SPATA12: variants seen among roughly 807,000 people sequenced by gnomAD.
SPATA12 encodes spermatogenesis-associated protein 12.
For synonymous variants in SPATA12, 85 were observed against 89.2 expected (o/e 0.95, Z 0.26); for missense variants, 219 against 226.4 (o/e 0.97, Z 0.21).
intron 1 of SPATA12, among the ~76,000 whole-genome samples, chr3:57,063,659 A>C (rs1705363369): frequency 6.6e-6 from 1 of 152,206 alleles, no homozygotes; most frequent in African/African-American, 2.4e-5. Flanking sequence ...CCTAGAAGCC[A>C]GGTGAGACAA....
At chr3:57,071,960 G>A (rs993359611) in intron 1 of SPATA12, among the ~76,000 whole-genome samples, 1 of 152,034 alleles carries the variant, frequency 6.6e-6, no homozygotes, top group African/African-American at 2.4e-5. Flanking sequence ...ATAGATAAAA[G>A]ACCAAATATA....
chr3:57,066,000 G>C (rs1449785230), intron 1 of SPATA12, among the ~76,000 whole-genome samples: 1 of 151,662 alleles, frequency 6.6e-6, no homozygotes, highest in Non-Finnish European at 1.5e-5. Context: ...AGGATCACTT[G>C]AGGCCAGGAG....
chr3:57,070,864 T>G (rs941689377), intron 1 of SPATA12, among the ~76,000 whole-genome samples: 6 of 150,234 alleles, frequency 4.0e-5, no homozygotes, highest in African/African-American at 1.5e-4. Flanking sequence ...CCCAGCTACT[T>G]GGGAGGCTGA....
At position 57,073,876 on chromosome 3, in the gene SPATA12, C is replaced by T. The variant is rs1276408034; in HGVS notation, c.182C>T (p.Pro61Leu). The change falls in exon 2 of 2, where the codon CCA (proline) becomes CTA (leucine). Residue 61 changes from proline (P) to leucine (L), a missense_variant. Transcript: ENST00000334325. ...LASCQGPGVL[P>L]GAASALPELT... ...TCATGCCAGGGTCCAGGTGTCCTGCCAGGAGCAGCCTCTGCCCTCCCAGAG... is the reference window on the plus strand; with the variant it reads ...TCATGCCAGGGTCCAGGTGTCCTGCTAGGAGCAGCCTCTGCCCTCCCAGAG... 2 of 1,614,194 alleles carry T rather than the reference C, an allele frequency of 1.2e-6. No homozygotes were observed. The highest frequency in any genetic ancestry group is 1.7e-6 in the Non-Finnish European group (2 of 1,180,028).
intron 1 of SPATA12, among the ~76,000 whole-genome samples, chr3:57,067,666 C>T (rs987236898): frequency 3.2e-4 from 48 of 150,498 alleles, no homozygotes; most frequent in African/African-American, 1.1e-3. Context: ...GAGACCCAGT[C>T]TCTACAAAAA....
intron 1 of SPATA12, among the ~76,000 whole-genome samples, chr3:57,065,020 A>C (rs1398020203): frequency 6.6e-6 from 1 of 152,266 alleles, no homozygotes; most frequent in African/African-American, 2.4e-5. Context: ...GTTTTGCTCT[A>C]AACTGAAGAG....
chr3:57,068,847 T>C lies in SPATA12; in HGVS notation c.-329-4519T>C, dbSNP rs189731084. 2.6e-5 allele frequency among the ~76,000 whole-genome samples: 4 copies of C among 151,848 alleles called. No individual in the cohort carries two copies. In the East Asian group the frequency reaches 7.7e-4, roughly 29 times the overall value. ...CGCACACACCCCCCTCACTAAAGGA[T>C]GGAAACAAAATCCCTATGAACTGCC... On this transcript the variant is annotated intron_variant, in intron 1 of 1. Coordinates refer to ENST00000334325, the MANE Select transcript of SPATA12 (RefSeq NM_181727.2).
chr3:57,062,423 C>T (rs1391091157), intron 1 of SPATA12, among the ~76,000 whole-genome samples: 1 of 152,204 alleles, frequency 6.6e-6, no homozygotes, highest in Admixed American at 6.5e-5. Context: ...AGCCCCCACT[C>T]GGGCTCAGGC....
chr3:57,074,514 A>G lies in SPATA12; in HGVS notation c.*247A>G. On this transcript the variant is annotated 3_prime_UTR_variant, in exon 2 of 2. Coordinates refer to ENST00000334325, the MANE Select transcript of SPATA12 (RefSeq NM_181727.2). ...CAAGGTCACACAATCCAGATCTCATACTCTTAGCCCCCGGGGAACCTTCAC... is the reference window on the plus strand; with the variant it reads ...CAAGGTCACACAATCCAGATCTCATGCTCTTAGCCCCCGGGGAACCTTCAC... The G allele has an allele frequency of 1.9e-6, 1 of 519,534 alleles. No individual in the cohort carries two copies. Among genetic ancestry groups the G allele is most frequent in the Non-Finnish European group, 3.5e-6 (1 of 284,386 alleles). The allele number at this position is 519,534 out of a possible 1,614,324, so 32.2% of individuals were successfully genotyped here. A position where few individuals can be genotyped will look rare whatever the true frequency, so the allele number is the denominator to read the frequency against.
intron 1 of SPATA12, among the ~76,000 whole-genome samples, chr3:57,071,955 T>C (rs1180370486): frequency 3.9e-5 from 6 of 152,034 alleles, no homozygotes; most frequent in African/African-American, 1.4e-4. Context: ...TAAAAATAGA[T>C]AAAAGACCAA....
rs1384320566 is a variant in SPATA12, at chr3:57,074,293, G to A, written c.*26G>A. ...TCAATAATAATCCTGCAACATCTGA[G>A]AGTCTGGCAGCTGTTTGTCTGGGCC... On this transcript the variant is annotated 3_prime_UTR_variant, in exon 2 of 2. Transcript: ENST00000334325. The A allele has an allele frequency of 6.3e-7, 1 of 1,584,140 alleles. No individual in the cohort carries two copies. Among genetic ancestry groups the A allele is most frequent in the African/African-American group, 1.3e-5 (1 of 74,542 alleles).
rs79065144 is a variant in SPATA12 at position 57,063,024 on chromosome 3, T to G, written c.-330+2238T>G. On this transcript the variant is annotated intron_variant, in intron 1 of 1. Transcript: ENST00000334325. ...ACGATAGTGTAAGGAGAAAAAGCAATGAAGGCAAAGGGGAAGTTGGGATGC... is the reference window on the plus strand; with the variant it reads ...ACGATAGTGTAAGGAGAAAAAGCAAGGAAGGCAAAGGGGAAGTTGGGATGC... Among the ~76,000 whole-genome samples the G allele has an allele frequency of 9.7e-3, 1,482 of 152,094 alleles. 41 individuals carry two copies. Among genetic ancestry groups the G allele is most frequent in the African/African-American group, 0.034 (1,409 of 41,480 alleles).
At chr3:57,062,672 A>G (rs1705293834) in intron 1 of SPATA12, among the ~76,000 whole-genome samples, 1 of 152,298 alleles carries the variant, frequency 6.6e-6, no homozygotes, top group South Asian at 2.1e-4. Context: ...TGGGAATGAC[A>G]GGACTCGCTG....
At chr3:57,073,076 T>C (rs1353216760) in intron 1 of SPATA12, among the ~76,000 whole-genome samples, 2 of 151,906 alleles carry the variant, frequency 1.3e-5, no homozygotes, top group Non-Finnish European at 2.9e-5. Context: ...AAAACATTAG[T>C]TGGTAAGCAA....
intron 1 of SPATA12, among the ~76,000 whole-genome samples, chr3:57,065,723 G>A (rs1404592491): frequency 6.6e-6 from 1 of 152,180 alleles, no homozygotes; most frequent in Non-Finnish European, 1.5e-5. Flanking sequence ...TACAGTTTCT[G>A]TGGCCAGTGA....
intron 1 of SPATA12, among the ~76,000 whole-genome samples, chr3:57,067,120 ATTT>A (rs1705582849): frequency 6.6e-6 from 1 of 152,166 alleles, no homozygotes; most frequent in Non-Finnish European, 1.5e-5. Context: ...ATAAAAATAT[ATTT>A]TTTAAAAACC....
At chr3:57,068,919 A>ATTTT (rs35984791) in intron 1 of SPATA12, among the ~76,000 whole-genome samples, 1 of 138,268 alleles carries the variant, frequency 7.2e-6, no homozygotes, top group Non-Finnish European at 1.6e-5. Context: ...AAAAGATCTG[A>ATTTT]TTTTTTTTTT....
chr3:57,063,802 G>A (rs936595051), intron 1 of SPATA12, among the ~76,000 whole-genome samples: 1 of 152,228 alleles, frequency 6.6e-6, no homozygotes, highest in Non-Finnish European at 1.5e-5. Context: ...TATCTGGGGA[G>A]AGGGGAGTGG....
intron 1 of SPATA12, among the ~76,000 whole-genome samples, chr3:57,063,428 C>T (rs1185933436): frequency 6.6e-6 from 1 of 152,162 alleles, no homozygotes; most frequent in African/African-American, 2.4e-5. Flanking sequence ...AAGGCAGAGG[C>T]TTGGAGGCCG....
Sources: allele counts gnomAD v4.1 joint callset (sites outside exome capture counted in the v4.1 genomes callset), GRCh38; gene constraint gnomAD v4.1.1; transcripts MANE v1.5; gene names NCBI Gene and HGNC (gene_info 2026-07-23, HGNC 2026-07-21).